The following ZMAT4 variants were observed in gnomAD, a reference collection of about 807,000 sequenced individuals.
The protein encoded by ZMAT4 is zinc finger matrin-type 4.
In ZMAT4, 17 loss-of-function variants were observed where a neutral mutation model predicts 28.7. The observed-to-expected ratio is 0.59, with a 90% confidence interval of 0.41 to 0.89. The LOEUF is 0.89. ZMAT4 is among the 40% of genes least tolerant of loss of function. The pLI, the probability that ZMAT4 is intolerant of heterozygous loss-of-function variation, is 0.00. For missense variants in ZMAT4, 240 were observed against 283.8 expected (o/e 0.85, Z 1.11); for synonymous variants, 117 against 109.2 (o/e 1.07, Z -0.44).
At chr8:40,632,672 C>T (rs532819419) in intron 5 of ZMAT4, among the ~76,000 whole-genome samples, 7 of 152,282 alleles carry the variant, frequency 4.6e-5, no homozygotes, top group Admixed American at 1.3e-4. Context: ...TCTCTAGAGC[C>T]TGCAGAGGGA....
intron 3 of ZMAT4, among the ~76,000 whole-genome samples, chr8:40,729,739 C>T (rs1014089713): frequency 2.0e-5 from 3 of 152,034 alleles, no homozygotes; most frequent in African/African-American, 4.8e-5. Flanking sequence ...ACTGAGACTA[C>T]AGGCACGTGC....
chr8:40,593,692 A>G (rs903243071), intron 5 of ZMAT4, among the ~76,000 whole-genome samples: 1 of 152,046 alleles, frequency 6.6e-6, no homozygotes, highest in Non-Finnish European at 1.5e-5. Flanking sequence ...CTCAACTAGG[A>G]CTCGACGTTG....
chr8:40,892,359 G>A (rs1270973436), intron 1 of ZMAT4, among the ~76,000 whole-genome samples: 1 of 152,018 alleles, frequency 6.6e-6, no homozygotes, highest in African/African-American at 2.4e-5. Context: ...CCGCCACCCT[G>A]GCCTCACAGC....
chr8:40,718,034 T>A (rs192332216), intron 3 of ZMAT4, among the ~76,000 whole-genome samples: 23 of 152,322 alleles, frequency 1.5e-4, no homozygotes, highest in African/African-American at 5.5e-4. Context: ...GTTTTTCCAC[T>A]CATGTTCTTT....
intron 2 of ZMAT4, among the ~76,000 whole-genome samples, chr8:40,777,283 C>G (rs1017027952): frequency 6.6e-6 from 1 of 152,114 alleles, no homozygotes; most frequent in Non-Finnish European, 1.5e-5. Flanking sequence ...GGAAGGTTGC[C>G]GTGCAGCACA....
At chr8:40,871,131 G>T (rs983255132) in intron 1 of ZMAT4, among the ~76,000 whole-genome samples, 2 of 152,158 alleles carry the variant, frequency 1.3e-5, no homozygotes, top group African/African-American at 2.4e-5. Context: ...CACTCATTCA[G>T]GTAAAGACAG....
chr8:40,758,469 C>T (rs1563463230), intron 3 of ZMAT4, among the ~76,000 whole-genome samples: 1 of 152,048 alleles, frequency 6.6e-6, no homozygotes, highest in South Asian at 2.1e-4. Flanking sequence ...CCTGTGTTGA[C>T]GTATTAAAGA....
At chr8:40,557,994 G>A (rs1378922972) in intron 6 of ZMAT4, among the ~76,000 whole-genome samples, 1 of 152,172 alleles carries the variant, frequency 6.6e-6, no homozygotes, top group African/African-American at 2.4e-5. Context: ...CTGAGCTTGG[G>A]TTGACAAGAA....
At position 40,760,393 on chromosome 8, in the gene ZMAT4, C is replaced by CA. The variant is rs552338043; in HGVS notation, c.192+7247dup. 3.9e-5 allele frequency among the ~76,000 whole-genome samples: 6 copies of CA among 152,252 alleles called. No homozygotes were observed. The South Asian group carries it at 1.2e-3, about 32-fold the overall frequency. The stretch of plus-strand genomic sequence containing the variant: ...CTTCTGCAAATCTTTCACCTGCCCT[C>CA]AGGAACCGAGCCCCTCCTACTGGCC... On this transcript the variant is annotated intron_variant, in intron 3 of 6. Transcript: ENST00000297737.
At chr8:40,874,013 T>C (rs1279209847) in intron 1 of ZMAT4, among the ~76,000 whole-genome samples, 3 of 152,160 alleles carry the variant, frequency 2.0e-5, no homozygotes, top group Non-Finnish European at 4.4e-5. Flanking sequence ...AGTGACTCTG[T>C]GGGATTTGAG....
intron 2 of ZMAT4, among the ~76,000 whole-genome samples, chr8:40,805,482 A>T (rs1815040241): frequency 1.4e-5 from 2 of 147,518 alleles, no homozygotes; most frequent in South Asian, 4.5e-4. Flanking sequence ...ATAAAGACAC[A>T]TGCACACGTA....
chr8:40,804,540 T>C (rs1034149738), intron 2 of ZMAT4, among the ~76,000 whole-genome samples: 2 of 152,114 alleles, frequency 1.3e-5, no homozygotes, highest in African/African-American at 2.4e-5. Context: ...ACAAAAGCAA[T>C]TTTAAAATAT....
intron 5 of ZMAT4, among the ~76,000 whole-genome samples, chr8:40,605,256 T>A (rs1397909713): frequency 6.6e-6 from 1 of 152,186 alleles, no homozygotes; most frequent in African/African-American, 2.4e-5. Flanking sequence ...CTCTAGTTCC[T>A]TGAGGTGTGA....
chr8:40,566,300 A>C (rs1314906863), intron 6 of ZMAT4, among the ~76,000 whole-genome samples: 1 of 152,172 alleles, frequency 6.6e-6, no homozygotes, highest in Non-Finnish European at 1.5e-5. Flanking sequence ...GTTTCTTTAG[A>C]GTAACTTGGA....
chr8:40,802,256 G>A (rs1179962982), intron 2 of ZMAT4, among the ~76,000 whole-genome samples: 1 of 152,066 alleles, frequency 6.6e-6, no homozygotes, highest in African/African-American at 2.4e-5. Context: ...GAAATAAAAG[G>A]TATACCTTTT....
chr8:40,793,919 C>T (rs1814470924), intron 2 of ZMAT4, among the ~76,000 whole-genome samples: 1 of 152,166 alleles, frequency 6.6e-6, no homozygotes, highest in East Asian at 1.9e-4. Flanking sequence ...TCTGTACACT[C>T]CTCAAGGACA....
At chr8:40,621,249 T>C (rs1008250632) in intron 5 of ZMAT4, among the ~76,000 whole-genome samples, 1 of 152,190 alleles carries the variant, frequency 6.6e-6, no homozygotes, top group Admixed American at 6.5e-5. Flanking sequence ...CAGGGCCACC[T>C]GTCCAGGAAA....
intron 6 of ZMAT4, among the ~76,000 whole-genome samples, chr8:40,537,833 G>C (rs1802896087): frequency 6.6e-6 from 1 of 152,146 alleles, no homozygotes; most frequent in Non-Finnish European, 1.5e-5. Context: ...TCATTCCTGA[G>C]ATCCACAACA....
At chr8:40,884,135 C>G (rs1325044066) in intron 1 of ZMAT4, among the ~76,000 whole-genome samples, 2 of 152,186 alleles carry the variant, frequency 1.3e-5, no homozygotes, top group African/African-American at 4.8e-5. Context: ...TGTGATCCAC[C>G]ATGCTACTCT....
Sources: allele counts gnomAD v4.1 joint callset (sites outside exome capture counted in the v4.1 genomes callset), GRCh38; gene constraint gnomAD v4.1.1; transcripts MANE v1.5; gene names NCBI Gene and HGNC (gene_info 2026-07-23, HGNC 2026-07-21).